Variants in AMN1 observed in about 807,000 individuals in gnomAD.
AMN1 encodes the protein protein AMN1 homolog.
Under a neutral mutation model 33.0 loss-of-function variants are expected in AMN1, and 20 were observed. The observed-to-expected ratio is 0.61, with a 90% CI of 0.43 to 0.88. The LOEUF is 0.88. Ranked by LOEUF, AMN1 falls within the 40% of genes least tolerant of loss-of-function variation. The probability of loss-of-function intolerance (pLI) is 0.00; values close to 1 mark genes in which losing one functional copy is unlikely to be tolerated. For missense variants in AMN1, 246 were observed against 307.4 expected (o/e 0.80, Z 1.49); for synonymous variants, 114 against 111.9 (o/e 1.02, Z -0.12).
intron 5 of AMN1, among the ~76,000 whole-genome samples, chr12:31,696,758 C>T (rs1938743923): frequency 6.6e-6 from 1 of 151,846 alleles, no homozygotes; most frequent in African/African-American, 2.4e-5. Context: ...GAAACCCCGT[C>T]TCTACTAAAA....
intron 2 of AMN1, among the ~76,000 whole-genome samples, chr12:31,704,978 A>G (rs148524435): frequency 3.9e-5 from 6 of 152,350 alleles, no homozygotes; most frequent in Non-Finnish European, 8.8e-5. Context: ...TGAGTCACAT[A>G]TAACATTACA....
chr12:31,689,418 A>C (rs1227142368), intron 5 of AMN1, among the ~76,000 whole-genome samples: 1 of 152,350 alleles, frequency 6.6e-6, no homozygotes, highest in East Asian at 1.9e-4. Context: ...GTGCACAAGG[A>C]AACAATTTAT....
At chr12:31,718,585 A>G (rs1055631651) in intron 1 of AMN1, among the ~76,000 whole-genome samples, 1 of 151,918 alleles carries the variant, frequency 6.6e-6, no homozygotes, top group African/African-American at 2.4e-5. Flanking sequence ...TGACCTATGG[A>G]TGGGGTTTTG....
chr12:31,712,335 C>T lies in AMN1; in HGVS notation c.39-2910G>A, dbSNP rs57359809. On this transcript the variant is annotated intron_variant, in intron 1 of 6. Coordinates refer to ENST00000281471, the MANE Select transcript of AMN1 (RefSeq NM_001113402.2). ...CAATGTCGGCTCACTGCAACCTCTG[C>T]CACCCAGGTTCAAGCAATTCTCCTT... Among the ~76,000 whole-genome samples, 1,284 of 152,218 alleles carry T rather than the reference C, an allele frequency of 8.4e-3. 22 individuals carry two copies. The highest frequency in any genetic ancestry group is 0.03 in the African/African-American group (1,230 of 41,514).
intron 1 of AMN1, chr12:31,714,807 T>C (rs1939606450): frequency 1.1e-5 from 6 of 527,282 alleles, no homozygotes; most frequent in Non-Finnish European, 1.5e-5. Context: ...GTAATGTGTA[T>C]GCTGGTTATT....
intron 1 of AMN1, among the ~76,000 whole-genome samples, chr12:31,714,047 G>A (rs567471226): frequency 6.6e-6 from 1 of 151,904 alleles, no homozygotes; most frequent in East Asian, 1.9e-4. Flanking sequence ...TATAAATAAA[G>A]TTCCCTTAAA....
At chr12:31,725,826 G>C (rs1203556698) in intron 1 of AMN1, among the ~76,000 whole-genome samples, 3 of 152,164 alleles carry the variant, frequency 2.0e-5, no homozygotes, top group Non-Finnish European at 4.4e-5. Flanking sequence ...CTCCCAAGTA[G>C]CTGGGAATAC....
intron 1 of AMN1, among the ~76,000 whole-genome samples, chr12:31,726,439 G>A (rs1460856218): frequency 6.6e-6 from 1 of 152,188 alleles, no homozygotes; most frequent in Admixed American, 6.5e-5. Context: ...GGGGTTACAG[G>A]CGTGAGCCAC....
rs779736452 is a variant in AMN1 at position 31,701,938 on chromosome 12, G to T, written c.241C>A (p.Leu81Met). 5 of 1,609,906 alleles carry T rather than the reference G, an allele frequency of 3.1e-6. No homozygotes were observed. In the Admixed American group the frequency reaches 8.5e-5, roughly 27 times the overall value. ...TTCTTCAGTTTTCTACAGTTAGACA[G>T]GTGCAGGAGAGCAGCATCTGATATA... ...CDISDAALLH[L>M]SNCRKLKKLN... The change falls in exon 3 of 7, where the codon CTG becomes ATG. Residue 81 changes from leucine to methionine, a missense_variant. By Grantham distance (15) the Leu-to-Met change is conservative (BLOSUM62 2). Transcript: ENST00000281471.
intron 2 of AMN1, among the ~76,000 whole-genome samples, chr12:31,705,535 G>A (rs1565775970): frequency 6.6e-6 from 1 of 151,872 alleles, no homozygotes; most frequent in African/African-American, 2.4e-5. Flanking sequence ...AAAAACATAT[G>A]CTGGAGTGCT....
At position 31,677,667 on chromosome 12, in the gene AMN1, A is replaced by T. The variant is rs949749168; in HGVS notation, c.704-5290T>A. Among the ~76,000 whole-genome samples, 12 of 152,280 alleles carry T rather than the reference A, an allele frequency of 7.9e-5. No homozygotes were observed. The East Asian group carries it at 1.2e-3, about 15-fold the overall frequency. ...TGCTGAGTACTTTGAACTAAAGGAC[A>T]TTGGAAGGCCTCAGAATCCACCTCA... On this transcript the variant is annotated intron_variant, in intron 6 of 6. Coordinates refer to ENST00000281471, the MANE Select transcript of AMN1 (RefSeq NM_001113402.2).
intron 1 of AMN1, among the ~76,000 whole-genome samples, chr12:31,714,093 C>T (rs1939576883): frequency 1.3e-5 from 2 of 151,948 alleles, no homozygotes; most frequent in Admixed American, 1.3e-4. Context: ...GCATGGAAAG[C>T]TTTTTTAATA....
intron 6 of AMN1, among the ~76,000 whole-genome samples, chr12:31,682,642 G>A (rs1730548209): frequency 6.6e-6 from 1 of 152,018 alleles, no homozygotes; most frequent in Non-Finnish European, 1.5e-5. Flanking sequence ...TAAAGCAGGT[G>A]GGCTCTAGAT....
intron 1 of AMN1, among the ~76,000 whole-genome samples, chr12:31,711,191 A>G (rs539056286): frequency 6.6e-6 from 1 of 152,098 alleles, no homozygotes; most frequent in South Asian, 2.1e-4. Context: ...TTTATTTTAT[A>G]TTTAATTTTA....
Position 31,697,417 on chromosome 12 carries a change from C to G in AMN1, c.535G>C (p.Val179Leu). The change falls in exon 5 of 7, where the codon GTA becomes CTA. Residue 179 changes from valine (V) to leucine (L), a missense_variant and splice_region_variant. Val to Leu is a conservative substitution (Grantham distance 32). Transcript: ENST00000281471. ...LQCVDFSATQ[V>L]SDSGVIALVS... The stretch of plus-strand genomic sequence containing the variant: ...AGTGCAATCACACCACTGTCAGATA[C>G]CTAAGCAAAGGGAAAAAGAAACACA... 1 of 1,612,620 alleles carries G rather than the reference C, an allele frequency of 6.2e-7. No individual in the cohort carries two copies. Among genetic ancestry groups the G allele is most frequent in the Non-Finnish European group, 8.5e-7 (1 of 1,179,284 alleles).
intron 1 of AMN1, among the ~76,000 whole-genome samples, chr12:31,711,581 T>G (rs1939467905): frequency 6.6e-6 from 1 of 152,128 alleles, no homozygotes; most frequent in Non-Finnish European, 1.5e-5. Flanking sequence ...TTTGTTATTT[T>G]TAAAAACTGA....
chr12:31,695,976 C>T (rs1000779541), intron 5 of AMN1, among the ~76,000 whole-genome samples: 7 of 151,890 alleles, frequency 4.6e-5, no homozygotes, highest in African/African-American at 1.7e-4. Flanking sequence ...GGCACGGTGG[C>T]TCACACCTGC....
At chr12:31,689,270 A>G (rs1446403976) in intron 5 of AMN1, among the ~76,000 whole-genome samples, 152 bp from the exon 6 acceptor site, 1 of 152,252 alleles carries the variant, frequency 6.6e-6, no homozygotes, top group Non-Finnish European at 1.5e-5. Context: ...GTCTGAAGTA[A>G]TTTGGAAGGA....
intron 5 of AMN1, among the ~76,000 whole-genome samples, chr12:31,695,910 G>A (rs1008977713): frequency 6.6e-6 from 1 of 151,962 alleles, no homozygotes; most frequent in African/African-American, 2.4e-5. Flanking sequence ...TGGCAAAAAC[G>A]TGGCATTGTC....
Sources: allele counts gnomAD v4.1 joint callset (sites outside exome capture counted in the v4.1 genomes callset), GRCh38; gene constraint gnomAD v4.1.1; transcripts MANE v1.5; gene names NCBI Gene and HGNC (gene_info 2026-07-23, HGNC 2026-07-21).